Variants in GABRG3 observed in about 807,000 individuals in gnomAD.
GABRG3 encodes gamma-aminobutyric acid receptor subunit gamma-3.
Under a neutral mutation model 48.8 loss-of-function variants are expected in GABRG3, and 25 were observed. The observed-to-expected ratio is 0.51, with a 90% CI of 0.37 to 0.72. The LOEUF is 0.72. GABRG3 is among the 30% of genes least tolerant of loss of function. The pLI is 0.00. For missense variants in GABRG3, 394 were observed against 577.9 expected, an observed-to-expected ratio of 0.68 and a Z score of 3.26; for synonymous variants, 227 against 217.6, an observed-to-expected ratio of 1.04 and a Z score of -0.38.
At chr15:27,197,981 G>A (rs1888550521) in intron 3 of GABRG3, among the ~76,000 whole-genome samples, 1 of 152,054 alleles carries the variant, frequency 6.6e-6, no homozygotes, top group Admixed American at 6.6e-5. Context: ...TCTTGTGTCT[G>A]ATTCTTCTCT....
intron 3 of GABRG3, among the ~76,000 whole-genome samples, chr15:27,213,207 G>A (rs1889129167): frequency 6.6e-6 from 1 of 152,236 alleles, no homozygotes; most frequent in African/African-American, 2.4e-5. Flanking sequence ...ACTGCCTGGT[G>A]TGGGACAAGA....
At chr15:27,047,631 C>T (rs1896386583) in intron 3 of GABRG3, among the ~76,000 whole-genome samples, 1 of 152,180 alleles carries the variant, frequency 6.6e-6, no homozygotes, top group Non-Finnish European at 1.5e-5. Flanking sequence ...TAAAGTTTTT[C>T]AGATTTATAC....
chr15:27,253,276 T>C (rs914386131), intron 3 of GABRG3, among the ~76,000 whole-genome samples: 15 of 152,124 alleles, frequency 9.9e-5, no homozygotes, highest in Non-Finnish European at 2.9e-5. Flanking sequence ...GATTGACTCA[T>C]GCAAGAATGG....
At chr15:27,298,234 A>G (rs951391806) in intron 3 of GABRG3, among the ~76,000 whole-genome samples, 1 of 152,212 alleles carries the variant, frequency 6.6e-6, no homozygotes, top group South Asian at 2.1e-4. Context: ...CATTAGATTC[A>G]GGAATCTAGG....
At chr15:27,111,740 G>GCATTC (rs1404447944) in intron 3 of GABRG3, among the ~76,000 whole-genome samples, 10 of 152,206 alleles carry the variant, frequency 6.6e-5, no homozygotes, top group Admixed American at 6.5e-4. Context: ...GGTGGAGGGA[G>GCATTC]CATTCTGTAC....
chr15:27,498,692 GTGAGGCCAGGCTATT>G (rs1890546840), intron 6 of GABRG3, among the ~76,000 whole-genome samples: 2 of 152,020 alleles, frequency 1.3e-5, no homozygotes, highest in South Asian at 2.1e-4. Flanking sequence ...GGGTTTCACC[GTGAGGCCAGGCTATT>G]TGAGGCCAGG....
intron 3 of GABRG3, among the ~76,000 whole-genome samples, chr15:27,308,777 TAAAACACAATGTAAACATACGTTTATATA>T (rs1892868706): frequency 6.7e-6 from 1 of 149,944 alleles, no homozygotes; most frequent in Non-Finnish European, 1.5e-5. Flanking sequence ...CGTTTATATA[TAAAACACAATGTAAACATACGTTTATATA>T]AAAACACATA....
intron 3 of GABRG3, among the ~76,000 whole-genome samples, chr15:27,210,528 A>G (rs893093175): frequency 6.6e-6 from 1 of 152,130 alleles, no homozygotes; most frequent in African/African-American, 2.4e-5. Context: ...GACAACCCCA[A>G]ATTGATACAC....
At chr15:27,486,484 GT>G (rs1479989628) in intron 6 of GABRG3, among the ~76,000 whole-genome samples, 1 of 152,078 alleles carries the variant, frequency 6.6e-6, no homozygotes. Flanking sequence ...TATATATGAA[GT>G]TTTTGATACT....
chr15:27,415,169 C>T (rs1314866117), intron 5 of GABRG3, among the ~76,000 whole-genome samples: 1 of 152,092 alleles, frequency 6.6e-6, no homozygotes, highest in Non-Finnish European at 1.5e-5. Flanking sequence ...TCCCATTATG[C>T]ATGTGTTTCC....
chr15:27,278,254 A>G lies in GABRG3; in HGVS notation c.271-48555A>G, dbSNP rs193270269. On this transcript the variant is annotated intron_variant, in intron 3 of 9. Transcript: ENST00000615808. ...TTTAGTAGAGACGAGGTTTCGCCAT[A>G]TTGACCAGGCTGGTCTCAAACTCCT... Among the ~76,000 whole-genome samples, 35 of 152,008 alleles carry G rather than the reference A, an allele frequency of 2.3e-4. 1 individual carries two copies. In the East Asian group the frequency reaches 6.8e-3, roughly 30 times the overall value.
At chr15:26,977,356 T>C (rs1894971005) in intron 2 of GABRG3, among the ~76,000 whole-genome samples, 1 of 152,148 alleles carries the variant, frequency 6.6e-6, no homozygotes. Flanking sequence ...TGTGTCATTT[T>C]ATCCCATGTA....
At chr15:27,293,031 T>C (rs1016634455) in intron 3 of GABRG3, among the ~76,000 whole-genome samples, 4 of 152,180 alleles carry the variant, frequency 2.6e-5, no homozygotes, top group South Asian at 2.1e-4. Flanking sequence ...ACTGCATTCA[T>C]TGAAAATGCC....
At chr15:27,336,351 A>C (rs1893977628) in intron 5 of GABRG3, among the ~76,000 whole-genome samples, 1 of 152,146 alleles carries the variant, frequency 6.6e-6, no homozygotes, top group Non-Finnish European at 1.5e-5. Context: ...AGAAAGAAAG[A>C]AGAAATTGGT....
intron 3 of GABRG3, among the ~76,000 whole-genome samples, chr15:27,303,503 C>T (rs1398613892): frequency 1.3e-5 from 2 of 151,692 alleles, no homozygotes; most frequent in East Asian, 3.9e-4. Flanking sequence ...AAATAAACTT[C>T]CAGGCCTAAA....
intron 3 of GABRG3, among the ~76,000 whole-genome samples, chr15:27,131,813 C>T (rs1031952042): frequency 5.3e-5 from 8 of 151,642 alleles, no homozygotes; most frequent in African/African-American, 1.7e-4. Context: ...TGTTATTTTT[C>T]GTCTTTTTGA....
At chr15:27,409,041 T>C (rs910972733) in intron 5 of GABRG3, among the ~76,000 whole-genome samples, 5 of 152,194 alleles carry the variant, frequency 3.3e-5, no homozygotes, top group African/African-American at 4.8e-5. Flanking sequence ...CCTTTTTTTT[T>C]CTAAATATGT....
At chr15:27,096,838 C>CTTTTTT in intron 3 of GABRG3, among the ~76,000 whole-genome samples, 1 of 126,142 alleles carries the variant, frequency 7.9e-6, no homozygotes, top group Non-Finnish European at 1.6e-5. Context: ...TTCTTTCTAT[C>CTTTTTT]TTTTTTTTTT....
chr15:27,109,865 G>T (rs183306809), intron 3 of GABRG3, among the ~76,000 whole-genome samples: 183 of 152,298 alleles, frequency 1.2e-3, no homozygotes, highest in African/African-American at 4.0e-3. Flanking sequence ...CTGGGCGACA[G>T]AGCGAGACTG....
Sources: allele counts gnomAD v4.1 joint callset (sites outside exome capture counted in the v4.1 genomes callset), GRCh38; gene constraint gnomAD v4.1.1; transcripts MANE v1.5; gene names NCBI Gene and HGNC (gene_info 2026-07-23, HGNC 2026-07-21).